ZFYVE28: variants seen among roughly 807,000 people sequenced by gnomAD.
ZFYVE28 encodes the protein zinc finger FYVE-type containing 28, also known as lateral signaling target protein 2 homolog.
Under a neutral mutation model 82.1 loss-of-function variants are expected in ZFYVE28, and 40 were observed. That is an observed-to-expected ratio of 0.49 (90% confidence interval 0.38 to 0.63). The LOEUF (loss-of-function observed/expected upper bound fraction) is 0.63. Among genes scored for constraint, ZFYVE28 ranks in the 30% least tolerant of loss-of-function variants. The probability of loss-of-function intolerance (pLI) is 0.00; values close to 1 mark genes in which losing one functional copy is unlikely to be tolerated. For synonymous variants in ZFYVE28, 612 were observed against 546.1 expected (o/e 1.12, Z -1.68); for missense variants, 1,321 against 1,242.1 (o/e 1.06, Z -0.96).
In ZFYVE28 at chr4:2,304,919, G is replaced by T. The variant is rs149193016; in HGVS notation, c.1421C>A (p.Ala474Glu). 1.2e-6 allele frequency: 2 copies of T among 1,612,570 alleles called. No homozygotes were observed. Among genetic ancestry groups the T allele is most frequent in the African/African-American group, 1.3e-5 (1 of 74,924 alleles). Residue 474 changes from alanine (A) to glutamate (E), a missense_variant, in exon 8 of 13, where the codon GCG becomes GAG. Physicochemically the swap from Ala to Glu is moderately radical, Grantham distance 107 (BLOSUM62 -1). Coordinates refer to ENST00000290974, the MANE Select transcript of ZFYVE28 (RefSeq NM_020972.3). ...CAGGCAGCTGCAGGAGCTGGTGCCC[G>T]CGAGGCTGGCCCCATCTGTGCCCTC... Reference protein sequence around the residue: ...EAEGTDGASLAGTSSCSCLDS... With the variant: ...EAEGTDGASLEGTSSCSCLDS...
chr4:2,350,596 G>T (rs1055757839), intron 2 of ZFYVE28, among the ~76,000 whole-genome samples: 1 of 152,176 alleles, frequency 6.6e-6, no homozygotes. Context: ...GTGGCTGGGG[G>T]GCCCTAGACA....
rs181719867 is a variant in ZFYVE28 at position 2,332,032 on chromosome 4, C to T, written c.701+3673G>A. On this transcript the variant is annotated intron_variant, in intron 6 of 12. Transcript: ENST00000290974. This position sits in a 1 kb window ranked among gnomAD's most constrained non-coding sequence, Gnocchi z 4.7. ...CCACTGGGAGCCCCTCAGAAGGGGA[C>T]GGGAGCCTGGCCCGCAGCTCATGCT... 0.011 allele frequency among the ~76,000 whole-genome samples: 1,723 copies of T among 152,316 alleles called. 36 individuals carry two copies. The highest frequency in any genetic ancestry group is 0.039 in the African/African-American group (1,602 of 41,560).
rs866148692 is a variant in ZFYVE28 at position 2,417,505 on chromosome 4, A to G, written c.39+780T>C. On this transcript the variant is annotated intron_variant, in intron 1 of 12. Coordinates refer to ENST00000290974, the MANE Select transcript of ZFYVE28 (RefSeq NM_020972.3). This position sits in a 1 kb window ranked among gnomAD's most constrained non-coding sequence, Gnocchi z 4.8. ...GGAGAGGCGCGGGCGCCGGCTGGAGAGCCGCACCTCCCGCCCCGCCGAGGC... is the reference window on the plus strand; with the variant it reads ...GGAGAGGCGCGGGCGCCGGCTGGAGGGCCGCACCTCCCGCCCCGCCGAGGC... Among the ~76,000 whole-genome samples, 43 of 151,348 alleles carry G rather than the reference A, an allele frequency of 2.8e-4. 1 individual carries two copies. The Middle Eastern group carries it at 0.017, about 60-fold the overall frequency.
At chr4:2,412,867 G>A (rs573702101) in intron 1 of ZFYVE28, among the ~76,000 whole-genome samples, 1 of 152,202 alleles carries the variant, frequency 6.6e-6, no homozygotes, top group East Asian at 1.9e-4. Flanking sequence ...ATGACCTAAA[G>A]ACACTCAGCC....
intron 8 of ZFYVE28, among the ~76,000 whole-genome samples, chr4:2,290,772 A>G (rs1713526451): frequency 6.6e-6 from 1 of 152,060 alleles, no homozygotes; most frequent in Non-Finnish European, 1.5e-5. Flanking sequence ...TGCTTCCCCT[A>G]TTAAGTCCAA....
At chr4:2,307,472 C>T (rs1716757379) in intron 7 of ZFYVE28, among the ~76,000 whole-genome samples, 1 of 152,054 alleles carries the variant, frequency 6.6e-6, no homozygotes, top group African/African-American at 2.4e-5. Flanking sequence ...AAGATGTTCT[C>T]CTTGATATTT....
At chr4:2,308,689 AAAG>A (rs1288291070) in intron 7 of ZFYVE28, among the ~76,000 whole-genome samples, 3 of 111,760 alleles carry the variant, frequency 2.7e-5, no homozygotes, top group East Asian at 5.5e-4. Flanking sequence ...GAAAGAAAGA[AAAG>A]AAAAGAAAAG....
Position 2,408,386 on chromosome 4 carries a change from C to G in ZFYVE28, c.39+9899G>C, listed in dbSNP as rs778420906. 2.1e-4 allele frequency among the ~76,000 whole-genome samples: 32 copies of G among 152,082 alleles called. No homozygotes were observed. Among genetic ancestry groups the G allele is most frequent in the Non-Finnish European group, 4.4e-4 (30 of 68,006 alleles). On this transcript the variant is annotated intron_variant, in intron 1 of 12. Transcript: ENST00000290974. The surrounding 1 kb of genome is among the most constrained non-coding windows in gnomAD (Gnocchi z 4.3). ...TTAATGGGGGCTGGCCCTATGGACACTGTGGAGGTGATGCCATGTGACTTC... is the reference window on the plus strand; with the variant it reads ...TTAATGGGGGCTGGCCCTATGGACAGTGTGGAGGTGATGCCATGTGACTTC...
intron 8 of ZFYVE28, among the ~76,000 whole-genome samples, chr4:2,278,527 G>A (rs1711509052): frequency 6.6e-6 from 1 of 151,984 alleles, no homozygotes; most frequent in South Asian, 2.1e-4. Flanking sequence ...AAATCTTTGT[G>A]GCGTTAGGCT....
At position 2,313,567 on chromosome 4, in the gene ZFYVE28, T is replaced by G. The variant is rs79213910; in HGVS notation, c.803+6603A>C. 2.7e-3 allele frequency among the ~76,000 whole-genome samples: 404 copies of G among 152,200 alleles called. 19 individuals are homozygous for G. The East Asian group carries it at 0.062, about 23-fold the overall frequency. On this transcript the variant is annotated intron_variant, in intron 7 of 12. Coordinates refer to ENST00000290974, the MANE Select transcript of ZFYVE28 (RefSeq NM_020972.3). ...ACCACTGCACTCAGCCTCCACATAC[T>G]TTTAAGAAGAACATAAGGGTGGGCC...
At chr4:2,307,979 G>C (rs1245555091) in intron 7 of ZFYVE28, among the ~76,000 whole-genome samples, 1 of 152,096 alleles carries the variant, frequency 6.6e-6, no homozygotes, top group Non-Finnish European at 1.5e-5. Context: ...GTAATGTCAC[G>C]TTGCCTTAAA....
chr4:2,391,378 T>G (rs1729806507), intron 1 of ZFYVE28, among the ~76,000 whole-genome samples: 1 of 151,772 alleles, frequency 6.6e-6, no homozygotes, highest in African/African-American at 2.4e-5. Context: ...TCCCATACGT[T>G]TACCTCTACG....
chr4:2,408,517 G>A lies in ZFYVE28; in HGVS notation c.39+9768C>T, dbSNP rs1187705207. On this transcript the variant is annotated intron_variant, in intron 1 of 12. Transcript: ENST00000290974. This position sits in a 1 kb window ranked among gnomAD's most constrained non-coding sequence, Gnocchi z 4.3. The stretch of plus-strand genomic sequence containing the variant: ...CTGCCTGACAGCTGCACCAGCCGGG[G>A]TGGACCAAAGGCCGCAGATGGTTCA... Among the ~76,000 whole-genome samples, 3 of 152,228 alleles carry A rather than the reference G, an allele frequency of 2.0e-5. No individual in the cohort carries two copies. Among genetic ancestry groups the A allele is most frequent in the Non-Finnish European group, 2.9e-5 (2 of 68,032 alleles).
intron 1 of ZFYVE28, among the ~76,000 whole-genome samples, chr4:2,404,624 A>G (rs1351219354): frequency 6.6e-6 from 1 of 152,212 alleles, no homozygotes; most frequent in Non-Finnish European, 1.5e-5. Context: ...AACGTCCAGA[A>G]CAGGCAAATC....
intron 8 of ZFYVE28, among the ~76,000 whole-genome samples, chr4:2,291,491 G>A (rs561850566): frequency 3.3e-5 from 5 of 152,264 alleles, no homozygotes; most frequent in South Asian, 2.1e-4. Context: ...CAAAGCCCCC[G>A]CTTCCACCCC....
chr4:2,399,032 G>GGGTGAGATCCAGGGCACAATCGTGGA (rs1730832946), intron 1 of ZFYVE28, among the ~76,000 whole-genome samples: 1 of 50,346 alleles, frequency 2.0e-5, no homozygotes, highest in Non-Finnish European at 4.8e-5. Flanking sequence ...GCACAAGGTG[G>GGGTGAGATCCAGGGCACAATCGTGGA]GGTGAGATCC....
intron 4 of ZFYVE28, 64 bp from the exon 5 acceptor site, chr4:2,337,560 G>T: frequency 7.6e-7 from 1 of 1,317,404 alleles, no homozygotes; most frequent in Non-Finnish European, 1.0e-6. Flanking sequence ...CCAAAACAGA[G>T]TGGGGGGCAT....
chr4:2,331,200 C>T (rs1720647451), intron 6 of ZFYVE28, among the ~76,000 whole-genome samples: 2 of 151,582 alleles, frequency 1.3e-5, no homozygotes, highest in Non-Finnish European at 1.5e-5. Flanking sequence ...CTGCACAGGT[C>T]CGGTCTGGGA....
intron 1 of ZFYVE28, chr4:2,364,899 G>A (rs951117101): frequency 7.1e-6 from 7 of 985,430 alleles, no homozygotes; most frequent in East Asian, 1.1e-4. Context: ...CGGAAGAGGC[G>A]GCGCGGAGGG....
Sources: allele counts gnomAD v4.1 joint callset (sites outside exome capture counted in the v4.1 genomes callset), GRCh38; gene constraint gnomAD v4.1.1; non-coding constraint Gnocchi (gnomAD v3.1); transcripts MANE v1.5; gene names NCBI Gene and HGNC (gene_info 2026-07-23, HGNC 2026-07-21).